The following KATNBL1 variants were observed in gnomAD, a reference collection of about 807,000 sequenced individuals.
KATNBL1 encodes the protein katanin regulatory subunit B1 like 1.
KATNBL1 carries 28 observed loss-of-function variants against 44.7 expected under a neutral mutation model. That is an observed-to-expected ratio of 0.63 (90% CI 0.46 to 0.86). The LOEUF (loss-of-function observed/expected upper bound fraction) is 0.86, where lower values mean the gene tolerates loss of function less well. Among genes scored for constraint, KATNBL1 ranks in the 40% least tolerant of loss-of-function variants. KATNBL1 has a pLI of 0.00. For missense variants in KATNBL1, 272 were observed against 350.7 expected, an observed-to-expected ratio of 0.78 and a Z score of 1.79; for synonymous variants, 78 against 114.9, an observed-to-expected ratio of 0.68 and a Z score of 2.06.
intron 1 of KATNBL1, among the ~76,000 whole-genome samples, chr15:34,178,923 C>T (rs1235089986): frequency 6.6e-6 from 1 of 151,890 alleles, no homozygotes; most frequent in African/African-American, 2.4e-5. Flanking sequence ...TCCATAACCA[C>T]AGTATTATCT....
chr15:34,168,207 A>G (rs1018965841), intron 1 of KATNBL1, among the ~76,000 whole-genome samples: 16 of 152,184 alleles, frequency 1.1e-4, no homozygotes, highest in Admixed American at 2.6e-4. Flanking sequence ...TCACGTGCAA[A>G]GATACACACA....
At chr15:34,188,531 G>A (rs1889788157) in intron 1 of KATNBL1, among the ~76,000 whole-genome samples, 1 of 152,126 alleles carries the variant, frequency 6.6e-6, no homozygotes, top group Non-Finnish European at 1.5e-5. Context: ...ACTCCAGGTT[G>A]GGCAACAGAG....
At chr15:34,194,444 A>T (rs1416809237) in intron 1 of KATNBL1, among the ~76,000 whole-genome samples, 4 of 152,100 alleles carry the variant, frequency 2.6e-5, no homozygotes, top group Non-Finnish European at 5.9e-5. Context: ...CCCTGTCTCT[A>T]TAAAAAATAA....
intron 5 of KATNBL1, 94 bp downstream of exon 5, chr15:34,148,538 T>G: frequency 2.8e-6 from 2 of 706,170 alleles, no homozygotes; most frequent in South Asian, 3.3e-5. Flanking sequence ...CAGTGAGCCA[T>G]GATTGTGCCA....
chr15:34,192,449 T>C (rs1470621983), intron 1 of KATNBL1, among the ~76,000 whole-genome samples: 3 of 146,746 alleles, frequency 2.0e-5, no homozygotes, highest in African/African-American at 7.5e-5. Context: ...TTACAAGAAA[T>C]AGGATACCAG....
At chr15:34,146,073 G>A (rs1328924656) in intron 8 of KATNBL1, 1 of 151,830 alleles carries the variant, frequency 6.6e-6, no homozygotes, top group Non-Finnish European at 1.5e-5. Flanking sequence ...CTCAGCCTGA[G>A]TAGCTGGGAC....
chr15:34,154,729 G>A (rs745722427), intron 2 of KATNBL1, 45 bp from the exon 3 acceptor site: 1 of 1,281,958 alleles, frequency 7.8e-7, no homozygotes, highest in Non-Finnish European at 1.1e-6. Flanking sequence ...CAAATGCTTG[G>A]TGCCGCAAAG....
chr15:34,169,269 TG>T, intron 1 of KATNBL1, among the ~76,000 whole-genome samples: 1 of 152,274 alleles, frequency 6.6e-6, no homozygotes, highest in East Asian at 1.9e-4. Flanking sequence ...TCACCACTGA[TG>T]CCCCAGAAAT....
chr15:34,150,846 C>A (rs1007590020), intron 4 of KATNBL1, among the ~76,000 whole-genome samples: 1 of 152,188 alleles, frequency 6.6e-6, no homozygotes, highest in African/African-American at 2.4e-5. Context: ...CCCACTCCAA[C>A]TGAGAACATG....
At chr15:34,199,237 G>C (rs1392701234) in intron 1 of KATNBL1, among the ~76,000 whole-genome samples, 1 of 152,180 alleles carries the variant, frequency 6.6e-6, no homozygotes, top group Admixed American at 6.5e-5. Flanking sequence ...AGGGGTTTGA[G>C]ACCAGTCTGG....
At chr15:34,142,498 G>C in intron 9 of KATNBL1, 127 bp from the exon 10 acceptor site, 3 of 1,029,692 alleles carry the variant, frequency 2.9e-6, no homozygotes, top group Non-Finnish European at 4.1e-6. Flanking sequence ...GGTAAAAGAC[G>C]TGCCTTGTTC....
chr15:34,174,700 G>T (rs1889271475), intron 1 of KATNBL1, among the ~76,000 whole-genome samples: 1 of 151,968 alleles, frequency 6.6e-6, no homozygotes, highest in Non-Finnish European at 1.5e-5. Context: ...TTGTCGCCCA[G>T]GTTGGAGTGA....
chr15:34,169,872 T>C (rs942087657), intron 1 of KATNBL1, among the ~76,000 whole-genome samples: 2 of 152,196 alleles, frequency 1.3e-5, no homozygotes, highest in South Asian at 4.1e-4. Flanking sequence ...GAAAAGGCCT[T>C]TGACAACATT....
chr15:34,186,839 C>T (rs559415476), intron 1 of KATNBL1, among the ~76,000 whole-genome samples: 2 of 152,356 alleles, frequency 1.3e-5, no homozygotes, highest in Admixed American at 1.3e-4. Flanking sequence ...GCAGGGTCCC[C>T]AGTAAGGCCC....
intron 1 of KATNBL1, among the ~76,000 whole-genome samples, chr15:34,197,220 T>C (rs890687260): frequency 4.6e-5 from 7 of 152,236 alleles, no homozygotes; most frequent in African/African-American, 7.2e-5. Context: ...TTGAAAAATT[T>C]AATGTGAAGT....
chr15:34,164,388 A>C (rs1221963885), intron 1 of KATNBL1, among the ~76,000 whole-genome samples: 1 of 152,138 alleles, frequency 6.6e-6, no homozygotes, highest in Non-Finnish European at 1.5e-5. Context: ...CAACTAAATC[A>C]CTGGGTCAAA....
Position 34,148,677 on chromosome 15 carries a change from A to G in KATNBL1, c.512T>C (p.Phe171Ser). ...RNMRLNVALT[F>S]WRKRSISELV... is the part of the protein sequence containing the mutation. Reference sequence around the variant, plus strand: ...TTCACTTATACTTCTCTTTCTCCAGAAAGTTAAAGCTACATTCAATCTCAT... The same window carrying G: ...TTCACTTATACTTCTCTTTCTCCAGGAAGTTAAAGCTACATTCAATCTCAT... Residue 171 changes from phenylalanine (F) to serine (S), a missense_variant, in exon 5 of 10, where the codon TTC (phenylalanine) becomes TCC (serine). By Grantham distance (155) the Phe-to-Ser change is radical. Coordinates refer to ENST00000256544, the MANE Select transcript of KATNBL1 (RefSeq NM_024713.3). 1 of 1,612,068 alleles carries G rather than the reference A, an allele frequency of 6.2e-7. No homozygotes were observed. Among genetic ancestry groups the G allele is most frequent in the Non-Finnish European group, 8.5e-7 (1 of 1,178,182 alleles).
chr15:34,203,160 G>A (rs1252302226), intron 1 of KATNBL1, among the ~76,000 whole-genome samples: 1 of 151,894 alleles, frequency 6.6e-6, no homozygotes, highest in Non-Finnish European at 1.5e-5. Context: ...TCTCAAATCT[G>A]CTCCTCCCAA....
chr15:34,155,665 C>T (rs1392138061), intron 2 of KATNBL1, among the ~76,000 whole-genome samples: 1 of 152,166 alleles, frequency 6.6e-6, no homozygotes, highest in Non-Finnish European at 1.5e-5. Flanking sequence ...GCAAACTTCC[C>T]CTTTTTCTGC....
Sources: gnomAD v4.1 joint callset for allele counts (sites outside exome capture counted in the v4.1 genomes callset) on GRCh38, gnomAD v4.1.1 for gene constraint, MANE v1.5 for transcripts, NCBI Gene and HGNC (gene_info 2026-07-23, HGNC 2026-07-21) for gene names.